Variants in CFDP1 observed in about 807,000 individuals in gnomAD.
The protein encoded by CFDP1 is chromatin remodeling protein CFDP1, also known as heterochromatin-stabilizing protein CFDP1.
CFDP1 carries 31 observed loss-of-function variants against 40.1 expected under a neutral mutation model. That is an observed-to-expected ratio of 0.77 (90% CI 0.58 to 1.04). The LOEUF is 1.04. Among genes scored for constraint, CFDP1 ranks in the 50% least tolerant of loss-of-function variants. The pLI, the probability that CFDP1 is intolerant of heterozygous loss-of-function variation, is 0.00. For missense variants in CFDP1, 423 were observed against 343.4 expected (o/e 1.23, Z -1.83); for synonymous variants, 167 against 120.0 (o/e 1.39, Z -2.56).
At chr16:75,368,099 C>G (rs1436913797) in intron 5 of CFDP1, among the ~76,000 whole-genome samples, 1 of 152,036 alleles carries the variant, frequency 6.6e-6, no homozygotes, top group African/African-American at 2.4e-5. Flanking sequence ...CCATCTCAAA[C>G]AAATAAAACA....
intron 5 of CFDP1, among the ~76,000 whole-genome samples, chr16:75,359,734 T>C (rs1057327786): frequency 2.0e-5 from 3 of 152,146 alleles, no homozygotes; most frequent in African/African-American, 4.8e-5. Flanking sequence ...TGGAGACATA[T>C]CAGGTTTTGA....
intron 1 of CFDP1, among the ~76,000 whole-genome samples, chr16:75,418,863 T>C (rs1390346360): frequency 6.6e-6 from 1 of 151,978 alleles, no homozygotes; most frequent in Non-Finnish European, 1.5e-5. Context: ...GTGCAGTGGC[T>C]CATGCCTGTA....
chr16:75,345,649 GAAAGA>G (rs1429455357), intron 5 of CFDP1, among the ~76,000 whole-genome samples: 1 of 151,998 alleles, frequency 6.6e-6, no homozygotes, highest in Non-Finnish European at 1.5e-5. Flanking sequence ...TCTTAAAAAA[GAAAGA>G]AAAGAACATC....
intron 5 of CFDP1, among the ~76,000 whole-genome samples, chr16:75,388,848 T>C (rs2078922418): frequency 6.6e-6 from 1 of 152,134 alleles, no homozygotes; most frequent in African/African-American, 2.4e-5. Context: ...GGATTCTGTG[T>C]CTTCTATCTT....
chr16:75,373,918 G>T (rs535410756), intron 5 of CFDP1, among the ~76,000 whole-genome samples: 1 of 152,170 alleles, frequency 6.6e-6, no homozygotes, highest in Non-Finnish European at 1.5e-5. Flanking sequence ...GAAAGAAAAT[G>T]ATAAAAAACC....
intron 5 of CFDP1, among the ~76,000 whole-genome samples, chr16:75,309,320 G>A (rs958798339): frequency 2.0e-5 from 3 of 152,136 alleles, no homozygotes; most frequent in South Asian, 2.1e-4. Context: ...TCAGGAAGCC[G>A]AGGCGGGAGA....
chr16:75,319,611 G>C (rs1053629196), intron 5 of CFDP1, among the ~76,000 whole-genome samples: 1 of 152,094 alleles, frequency 6.6e-6, no homozygotes, highest in African/African-American at 2.4e-5. Context: ...TAGCAGCTCT[G>C]GCCTCCTAGA....
At chr16:75,326,119 A>G (rs912166577) in intron 5 of CFDP1, among the ~76,000 whole-genome samples, 6 of 152,312 alleles carry the variant, frequency 3.9e-5, no homozygotes, top group African/African-American at 1.4e-4. Context: ...TGGAAAAGTG[A>G]TATTGGAGTC....
At chr16:75,294,386 A>G (rs949560768) in intron 6 of CFDP1, among the ~76,000 whole-genome samples, 6 of 152,220 alleles carry the variant, frequency 3.9e-5, no homozygotes, top group African/African-American at 1.4e-4. Flanking sequence ...GGGCAAAGGA[A>G]TGAACATCTT....
chr16:75,312,560 C>T (rs1361714280), intron 5 of CFDP1, among the ~76,000 whole-genome samples: 1 of 152,132 alleles, frequency 6.6e-6, no homozygotes, highest in African/African-American at 2.4e-5. Flanking sequence ...TTTGTCTGAT[C>T]TGATTTCAGC....
intron 4 of CFDP1, among the ~76,000 whole-genome samples, chr16:75,402,746 A>G (rs1437852062): frequency 6.6e-6 from 1 of 152,230 alleles, no homozygotes; most frequent in African/African-American, 2.4e-5. Flanking sequence ...TCTGTTATCA[A>G]TGAAAATTCA....
At chr16:75,368,886 T>C (rs997536380) in intron 5 of CFDP1, among the ~76,000 whole-genome samples, 3 of 152,194 alleles carry the variant, frequency 2.0e-5, no homozygotes, top group African/African-American at 7.2e-5. Context: ...TTGTTTGTTT[T>C]TTTTTAAGGA....
intron 1 of CFDP1, 53 bp downstream of exon 1, chr16:75,433,236 C>A: frequency 1.3e-6 from 2 of 1,529,004 alleles, no homozygotes; most frequent in Non-Finnish European, 1.8e-6. Context: ...GCGCGCCTCA[C>A]GTGAGGCGTG....
chr16:75,357,380 G>T (rs1256712471), intron 5 of CFDP1, among the ~76,000 whole-genome samples: 1 of 151,934 alleles, frequency 6.6e-6, no homozygotes, highest in Admixed American at 6.6e-5. Context: ...TCAGCCTCCT[G>T]AGTAGCTGGG....
intron 5 of CFDP1, among the ~76,000 whole-genome samples, chr16:75,389,832 C>T (rs992852529): frequency 6.6e-6 from 1 of 152,090 alleles, no homozygotes; most frequent in Non-Finnish European, 1.5e-5. Context: ...ACTCAGATAC[C>T]CCAGATCAGC....
In CFDP1 at chr16:75,399,051, C is replaced by T. The variant is rs375439909; in HGVS notation, c.531-3842G>A. On this transcript the variant is annotated intron_variant, in intron 4 of 6. Coordinates refer to ENST00000283882, the MANE Select transcript of CFDP1 (RefSeq NM_006324.3). Reference sequence around the variant, plus strand: ...CAGCCTGGGAGACAGAGCGAGACTCCGTCTCAAAAAAAAAAAAAAAAAAAA... The same window carrying T: ...CAGCCTGGGAGACAGAGCGAGACTCTGTCTCAAAAAAAAAAAAAAAAAAAA... Among the ~76,000 whole-genome samples the T allele has an allele frequency of 1.9e-3, 198 of 101,976 alleles. 1 individual carries two copies. Among genetic ancestry groups the T allele is most frequent in the African/African-American group, 8.0e-3 (195 of 24,346 alleles). 66.9% of individuals were successfully genotyped at this position (101,976 alleles called of 152,430 possible).
intron 4 of CFDP1, among the ~76,000 whole-genome samples, chr16:75,404,246 T>C (rs1003935355): frequency 2.6e-5 from 4 of 151,292 alleles, no homozygotes; most frequent in African/African-American, 9.7e-5. Flanking sequence ...TTTTCTTTTT[T>C]TTTTTTTGAG....
In CFDP1 at chr16:75,433,457, C is replaced by A; in HGVS notation, c.-105G>T. 3 of 1,116,768 alleles carry A rather than the reference C, an allele frequency of 2.7e-6. No individual in the cohort carries two copies. The highest frequency in any genetic ancestry group is 3.9e-6 in the Non-Finnish European group (3 of 768,518). 69.2% of individuals were successfully genotyped at this position (1,116,768 alleles called of 1,614,324 possible). Reference sequence around the variant, plus strand: ...AGAGCCCCGGCGGCGGCGACGGCAGCTAGGGCGGCCCCCGACAGCGCTTTG... The same window carrying A: ...AGAGCCCCGGCGGCGGCGACGGCAGATAGGGCGGCCCCCGACAGCGCTTTG... On this transcript the variant is annotated 5_prime_UTR_variant, in exon 1 of 7. Coordinates refer to ENST00000283882, the MANE Select transcript of CFDP1 (RefSeq NM_006324.3).
chr16:75,372,843 C>T (rs553872838), intron 5 of CFDP1, among the ~76,000 whole-genome samples: 1 of 152,102 alleles, frequency 6.6e-6, no homozygotes, highest in Non-Finnish European at 1.5e-5. Flanking sequence ...CCTAAATAAC[C>T]CAGAGTACAT....
Sources: gnomAD v4.1 joint callset for allele counts (sites outside exome capture counted in the v4.1 genomes callset) on GRCh38, gnomAD v4.1.1 for gene constraint, MANE v1.5 for transcripts, NCBI Gene and HGNC (gene_info 2026-07-23, HGNC 2026-07-21) for gene names.